CST8: variants seen among roughly 807,000 people sequenced by gnomAD.
CST8 encodes cystatin 8, also known as cystatin-8.
A neutral mutation model predicts 11.8 loss-of-function variants in CST8; 20 were observed. The observed-to-expected ratio is 1.70, with a 90% CI of 1.20 to 2.47. The LOEUF is 2.47. CST8 is among the 30% of genes most tolerant of loss of function. The pLI, the probability that CST8 is intolerant of heterozygous loss-of-function variation, is 0.00. For synonymous variants in CST8, 77 were observed against 63.1 expected (o/e 1.22, Z -1.05); for missense variants, 196 against 167.2 (o/e 1.17, Z -0.95).
downstream of CST8, among the ~76,000 whole-genome samples, chr20:23,496,770 C>T (rs1988057522): frequency 6.6e-6 from 1 of 152,180 alleles, no homozygotes; most frequent in Non-Finnish European, 1.5e-5. Context: ...GGCCTACCCT[C>T]AGGGATGCAT....
chr20:23,496,074 AT>A, downstream of CST8: 1 of 607,906 alleles, frequency 1.6e-6, no homozygotes, highest in East Asian at 2.8e-5. Flanking sequence ...GAAGATGGGC[AT>A]GTCCAGGTCC....
At chr20:23,507,010 A>G in the CST8 span, among the ~76,000 whole-genome samples, 3 of 152,172 alleles carry the variant, frequency 2.0e-5, no homozygotes, top group Non-Finnish European at 4.4e-5. Context: ...AACTGCATGC[A>G]CATGCCTTGT....
At position 23,491,218 on chromosome 20, in the gene CST8, C is replaced by G. The variant is rs1411486853; in HGVS notation, c.-268C>G. 5.8e-6 allele frequency: 1 copy of G among 173,602 alleles called. No individual in the cohort carries two copies. The highest frequency in any genetic ancestry group is 1.2e-5 in the Non-Finnish European group (1 of 81,542). 10.8% of individuals were successfully genotyped at this position (173,602 alleles called of 1,614,324 possible). On this transcript the variant is annotated 5_prime_UTR_variant, in exon 1 of 4. Coordinates refer to ENST00000246012, the MANE Select transcript of CST8 (RefSeq NM_005492.4). ...CAGCTCCACAGGGAGTAAGAAGGAG[C>G]TGCAGGCACAGCAGGCTGAAAGTCC...
intron 3 of CST8, among the ~76,000 whole-genome samples, chr20:23,494,564 G>A (rs973355367): frequency 1.3e-5 from 2 of 152,092 alleles, no homozygotes; most frequent in East Asian, 3.9e-4. Context: ...CTTAACTCCT[G>A]GAAGTGCCCC....
chr20:23,493,741 C>T (rs377014858), intron 3 of CST8, among the ~76,000 whole-genome samples: 17 of 152,330 alleles, frequency 1.1e-4, no homozygotes, highest in Non-Finnish European at 2.1e-4. Context: ...TGGTCCCAGA[C>T]AGATGAAGGC....
At chr20:23,496,143 C>A, downstream of CST8, 2 of 514,282 alleles carry the variant, frequency 3.9e-6, no homozygotes, top group Admixed American at 3.9e-5. Context: ...GTCTACCCAT[C>A]ACCAAGTACA....
In CST8 at chr20:23,491,729, G is replaced by T; in HGVS notation, c.62G>T (p.Arg21Met). Residue 21 changes from arginine to methionine, a missense_variant, in exon 2 of 4, where the codon AGG (arginine) becomes ATG (methionine). By Grantham distance (91) the Arg-to-Met change is moderately conservative. Coordinates refer to ENST00000246012, the MANE Select transcript of CST8 (RefSeq NM_005492.4). Reference sequence around the variant, plus strand: ...ACCATTCCCCTGGCCCTGGTGGCCAGGAAAGACCCAAAAAAGAATGAGACA... The same window carrying T: ...ACCATTCCCCTGGCCCTGGTGGCCATGAAAGACCCAAAAAAGAATGAGACA... ...LLTIPLALVA[R>M]KDPKKNETGV... is the part of the protein sequence containing the mutation. The T allele has an allele frequency of 6.2e-7, 1 of 1,614,070 alleles. No homozygotes were observed. Among genetic ancestry groups the T allele is most frequent in the Non-Finnish European group, 8.5e-7 (1 of 1,179,980 alleles).
chr20:23,500,824 C>T (rs1346594464), downstream of CST8, among the ~76,000 whole-genome samples: 1 of 151,790 alleles, frequency 6.6e-6, no homozygotes, highest in Non-Finnish European at 1.5e-5. Context: ...TGTGCCTCAG[C>T]GAAGGGGACT....
chr20:23,504,152 G>A, the CST8 span, among the ~76,000 whole-genome samples: 1 of 152,216 alleles, frequency 6.6e-6, no homozygotes, highest in Non-Finnish European at 1.5e-5. Flanking sequence ...CAGCAGCAAT[G>A]TGTCCCTCCT....
the CST8 span, among the ~76,000 whole-genome samples, chr20:23,506,867 G>A: frequency 8.8e-4 from 122 of 137,990 alleles, no homozygotes; most frequent in African/African-American, 2.7e-3. Flanking sequence ...TCTCATTGGC[G>A]AAGAGAAGTT....
the CST8 span, among the ~76,000 whole-genome samples, chr20:23,502,807 G>A: frequency 6.6e-6 from 1 of 152,194 alleles, no homozygotes; most frequent in Admixed American, 6.5e-5. Context: ...ACGGTCTTCA[G>A]TAAGACTCCG....
chr20:23,491,612 C>G lies in CST8; in HGVS notation c.-56C>G. 1 of 1,413,492 alleles carries G rather than the reference C, an allele frequency of 7.1e-7. No individual in the cohort carries two copies. The highest frequency in any genetic ancestry group is 1.0e-6 in the Non-Finnish European group (1 of 1,002,648). 87.6% of individuals were successfully genotyped at this position (1,413,492 alleles called of 1,614,324 possible). On this transcript the variant is annotated 5_prime_UTR_variant, in exon 2 of 4. Transcript: ENST00000246012. ...TGCGGCCACCCCATCCTGCCCACAGCTCCAGCCCTGAGACGACGAGGAGGA... is the reference window on the plus strand; with the variant it reads ...TGCGGCCACCCCATCCTGCCCACAGGTCCAGCCCTGAGACGACGAGGAGGA...
chr20:23,496,529 A>C (rs1988051864), downstream of CST8, among the ~76,000 whole-genome samples: 1 of 152,232 alleles, frequency 6.6e-6, no homozygotes, highest in African/African-American at 2.4e-5. Flanking sequence ...ACAGGACTAC[A>C]GGACTGGCGA....
At chr20:23,493,985 G>A (rs1264963459) in intron 3 of CST8, among the ~76,000 whole-genome samples, 2 of 152,154 alleles carry the variant, frequency 1.3e-5, no homozygotes, top group Non-Finnish European at 2.9e-5. Context: ...ATCATTTTGA[G>A]AACCACTGCT....
At chr20:23,502,778 G>A in the CST8 span, among the ~76,000 whole-genome samples, 7 of 152,116 alleles carry the variant, frequency 4.6e-5, no homozygotes, top group South Asian at 2.1e-4. Context: ...GACTGCTCCC[G>A]GGCTGTAGAC....
At chr20:23,500,494 C>A (rs1470103644), downstream of CST8, among the ~76,000 whole-genome samples, 4 of 152,126 alleles carry the variant, frequency 2.6e-5, no homozygotes, top group Non-Finnish European at 4.4e-5. Flanking sequence ...GACTGCCTGC[C>A]CCCCAGGGGC....
the CST8 span, among the ~76,000 whole-genome samples, chr20:23,504,809 A>G: frequency 6.6e-6 from 1 of 152,174 alleles, no homozygotes; most frequent in African/African-American, 2.4e-5. Context: ...AATATTCCTG[A>G]CAGGAAGATT....
the CST8 span, among the ~76,000 whole-genome samples, chr20:23,502,558 A>C: frequency 3.3e-3 from 500 of 152,314 alleles, 2 homozygotes; most frequent in Non-Finnish European, 5.7e-3. Context: ...TTCCTGCTGC[A>C]CATAAGATGA....
At chr20:23,498,347 G>A (rs1010455688), downstream of CST8, among the ~76,000 whole-genome samples, 2 of 152,146 alleles carry the variant, frequency 1.3e-5, no homozygotes, top group African/African-American at 4.8e-5. Context: ...TGTTGGTTAT[G>A]ACTCAAGAGG....
Sources: gnomAD v4.1 joint callset for allele counts (sites outside exome capture counted in the v4.1 genomes callset) on GRCh38, gnomAD v4.1.1 for gene constraint, MANE v1.5 for transcripts, NCBI Gene and HGNC (gene_info 2026-07-23, HGNC 2026-07-21) for gene names.